Variants in INO80 observed in about 807,000 individuals in gnomAD.
INO80 encodes chromatin-remodeling ATPase INO80.
In INO80, 20 loss-of-function variants were observed where a neutral mutation model predicts 203.4. The ratio of observed to expected loss-of-function variants is 0.10; its 90% confidence interval spans 0.07 to 0.14. The LOEUF (loss-of-function observed/expected upper bound fraction) is 0.14. INO80 is among the 10% of genes least tolerant of loss of function. The pLI is 1.00. For missense variants in INO80, 1,419 were observed against 1,914.4 expected, an observed-to-expected ratio of 0.74 and a Z score of 4.83; for synonymous variants, 726 against 685.2, an observed-to-expected ratio of 1.06 and a Z score of -0.93.
At chr15:41,078,072 G>C (rs972670816) in intron 9 of INO80, among the ~76,000 whole-genome samples, 1 of 151,798 alleles carries the variant, frequency 6.6e-6, no homozygotes, top group East Asian at 1.9e-4. Context: ...GCTAATTTTT[G>C]TATTTTTAGT....
At chr15:41,016,955 A>AC (rs2044219061) in intron 26 of INO80, 1 of 150,864 alleles carries the variant, frequency 6.6e-6, no homozygotes, top group African/African-American at 2.4e-5. Context: ...TCAGCCTCCT[A>AC]AAGTGCTGAG....
At chr15:41,047,529 C>G in intron 22 of INO80, 28 bp from the exon 23 acceptor site, 2 of 1,470,458 alleles carry the variant, frequency 1.4e-6, no homozygotes, top group Non-Finnish European at 1.9e-6. Flanking sequence ...ATTTGAAACC[C>G]AACAGCAAAC....
chr15:40,987,093 T>C lies in INO80; in HGVS notation c.3830A>G (p.Lys1277Arg). The C allele has an allele frequency of 1.3e-6, 2 of 1,589,690 alleles. No homozygotes were observed. Among genetic ancestry groups the C allele is most frequent in the Admixed American group, 1.7e-5 (1 of 59,996 alleles). ...LLLDDEELEK[K>R]LRLRQEEKRQ... ...GTATAGAGGTTTAGAGTACATACGT[T>C]TCTTCTCCAACTCTTCGTCGTCTAG... The change falls in exon 31 of 36, where the codon AAA becomes AGA. Residue 1277 changes from lysine (K) to arginine (R), a missense_variant and splice_region_variant. By Grantham distance (26) the Lys-to-Arg change is conservative. Coordinates refer to ENST00000648947, the MANE Select transcript of INO80 (RefSeq NM_017553.3).
rs1309275462 is a variant in INO80 at position 41,020,911 on chromosome 15, A to G, written c.3263T>C (p.Ile1088Thr). 1 of 1,610,140 alleles carries G rather than the reference A, an allele frequency of 6.2e-7. No homozygotes were observed. The highest frequency in any genetic ancestry group is 1.3e-5 in the African/African-American group (1 of 74,948). ...GATTGAGAACTCACCTGGAATCCTG[A>G]TGAAAGACCAGCCATTCTGAGGTCT... ...SIRPQNGWSF[I>T]RIPGKESLIT... is the part of the protein sequence containing the mutation. Residue 1088 changes from isoleucine to threonine, a missense_variant, in exon 26 of 36, where the codon ATC (isoleucine) becomes ACC (threonine). Ile to Thr is a moderately conservative substitution (Grantham distance 89). Around this residue, in one of 9 missense-constraint regions of INO80, gnomAD observed 302 missense variants for 345.4 expected, o/e 0.87. Transcript: ENST00000648947.
chr15:41,005,829 G>C (rs1039677943), intron 27 of INO80, 142 bp from the exon 28 acceptor site: 29 of 484,240 alleles, frequency 6.0e-5, no homozygotes, highest in Non-Finnish European at 9.2e-5. Context: ...AACCCCAAGA[G>C]TACAAGAAGT....
At chr15:40,997,277 C>G (rs1566904077) in intron 29 of INO80, among the ~76,000 whole-genome samples, 1 of 151,632 alleles carries the variant, frequency 6.6e-6, no homozygotes, top group African/African-American at 2.4e-5. Context: ...GGCCCCATCT[C>G]AAAAAACAAA....
intron 27 of INO80, among the ~76,000 whole-genome samples, chr15:41,012,449 C>T (rs1223282348): frequency 1.3e-5 from 2 of 151,134 alleles, no homozygotes; most frequent in Non-Finnish European, 2.9e-5. Flanking sequence ...GCCTGAAATC[C>T]CAGCTGCTCT....
intron 1 of INO80, among the ~76,000 whole-genome samples, chr15:41,111,494 C>T (rs750504600): frequency 6.6e-6 from 1 of 151,720 alleles, no homozygotes; most frequent in Non-Finnish European, 1.5e-5. Flanking sequence ...TAAGCCTTAA[C>T]CATCTTATTC....
intron 9 of INO80, among the ~76,000 whole-genome samples, chr15:41,075,476 G>A (rs1008467792): frequency 2.6e-5 from 4 of 151,620 alleles, no homozygotes; most frequent in Non-Finnish European, 5.9e-5. Context: ...GAGGCGGGGG[G>A]CAGAGTCTCC....
intron 19 of INO80, 35 bp from the exon 20 acceptor site, chr15:41,050,137 G>C (rs2044843535): frequency 1.3e-6 from 2 of 1,521,174 alleles, no homozygotes; most frequent in African/African-American, 2.8e-5. Context: ...ATTTGGAAAA[G>C]TAGTTTTTAA....
intron 12 of INO80, among the ~76,000 whole-genome samples, 172 bp downstream of exon 12, chr15:41,071,677 T>C (rs1328700584): frequency 6.6e-6 from 1 of 151,868 alleles, no homozygotes; most frequent in East Asian, 1.9e-4. Context: ...GTCAGGCTGG[T>C]CTCGAACTCC....
intron 27 of INO80, among the ~76,000 whole-genome samples, chr15:41,014,774 AT>A (rs2044179384): frequency 1.3e-5 from 2 of 152,228 alleles, no homozygotes; most frequent in Non-Finnish European, 2.9e-5. Context: ...AGATAAATTC[AT>A]TGCAAAATTC....
intron 5 of INO80, among the ~76,000 whole-genome samples, chr15:41,089,060 G>A (rs1005740311): frequency 1.3e-5 from 2 of 152,096 alleles, no homozygotes; most frequent in African/African-American, 2.4e-5. Flanking sequence ...CATGGTGGCA[G>A]GCTTCTGTAG....
At chr15:41,065,988 C>CTTT (rs1175524125) in intron 14 of INO80, among the ~76,000 whole-genome samples, 2 of 127,262 alleles carry the variant, frequency 1.6e-5, no homozygotes, top group African/African-American at 2.9e-5. Flanking sequence ...CTACATTGTA[C>CTTT]TTTTTTTTTT....
chr15:41,067,169 C>G (rs1283418778), intron 14 of INO80, among the ~76,000 whole-genome samples: 2 of 151,990 alleles, frequency 1.3e-5, no homozygotes, highest in Non-Finnish European at 2.9e-5. Flanking sequence ...CTCTGCCCCC[C>G]GGGTTCAAGC....
chr15:41,023,494 C>T (rs113764240), intron 25 of INO80: 18 of 328,948 alleles, frequency 5.5e-5, no homozygotes, highest in South Asian at 9.3e-5. Flanking sequence ...AAGACTAAAG[C>T]GCGGTGGCTC....
intron 1 of INO80, among the ~76,000 whole-genome samples, chr15:41,098,188 G>A (rs1490845574): frequency 6.6e-6 from 1 of 152,064 alleles, no homozygotes; most frequent in African/African-American, 2.4e-5. Flanking sequence ...ATACATCTTT[G>A]AGTTGTCTTC....
intron 13 of INO80, 90 bp downstream of exon 13, chr15:41,070,377 G>A (rs747435731): frequency 2.9e-5 from 33 of 1,122,158 alleles, no homozygotes; most frequent in Non-Finnish European, 3.6e-5. Flanking sequence ...ATGCTACACA[G>A]CTTAACATAG....
At chr15:41,071,545 C>T (rs145321811) in intron 12 of INO80, among the ~76,000 whole-genome samples, 239 of 151,362 alleles carry the variant, frequency 1.6e-3, no homozygotes, top group African/African-American at 5.4e-3. Context: ...ATCTCCGCCT[C>T]CCAGATTCAA....
Sources: gnomAD v4.1 joint callset for allele counts (sites outside exome capture counted in the v4.1 genomes callset) on GRCh38, gnomAD v4.1.1 for gene constraint, gnomAD v4.1.1 regional missense constraint, MANE v1.5 for transcripts, NCBI Gene and HGNC (gene_info 2026-07-23, HGNC 2026-07-21) for gene names.